The following SMPD3 variants were observed in gnomAD, a reference collection of about 807,000 sequenced individuals.
The protein encoded by SMPD3 is sphingomyelin phosphodiesterase 3, also known as nSMase-2.
A neutral mutation model predicts 55.7 loss-of-function variants in SMPD3; 21 were observed. The ratio of observed to expected loss-of-function variants is 0.38; its 90% CI spans 0.27 to 0.54. The LOEUF is 0.54. Among genes scored for constraint, SMPD3 ranks in the 20% least tolerant of loss-of-function variants. The probability of loss-of-function intolerance (pLI) is 0.80; values close to 1 mark genes in which losing one functional copy is unlikely to be tolerated. For synonymous variants in SMPD3, 457 were observed against 404.3 expected, an observed-to-expected ratio of 1.13 and a Z score of -1.56; for missense variants, 842 against 899.6, an observed-to-expected ratio of 0.94 and a Z score of 0.82.
Position 68,360,366 on chromosome 16 carries a change from C to T in SMPD3, c.*840G>A, listed in dbSNP as rs1028353146. ...CTTCCTGTAAAAAAAAAAGTGGATA[C>T]TCTCTTCTCGGATCCCCGTTTATGG... On this transcript the variant is annotated 3_prime_UTR_variant, in exon 9 of 9. Transcript: ENST00000219334. 1 of 151,290 alleles carries T rather than the reference C, an allele frequency of 6.6e-6. No homozygotes were observed. Among genetic ancestry groups the T allele is most frequent in the Non-Finnish European group, 1.5e-5 (1 of 67,848 alleles). The allele number at this position is 151,290 out of a possible 1,614,324, so 9.4% of individuals were successfully genotyped here. A position where few individuals can be genotyped will look rare whatever the true frequency, so the allele number is the denominator to read the frequency against.
At chr16:68,386,557 C>CCCCCA (rs1469620731) in intron 2 of SMPD3, 41 bp downstream of exon 2, 5 of 148,338 alleles carry the variant, frequency 3.4e-5, no homozygotes, top group Admixed American at 3.3e-4. Context: ...CCCTTCCCCA[C>CCCCCA]CCCCACCCCA....
intron 1 of SMPD3, among the ~76,000 whole-genome samples, chr16:68,419,951 T>C (rs1200565177): frequency 6.6e-6 from 1 of 152,002 alleles, no homozygotes; most frequent in East Asian, 1.9e-4. Flanking sequence ...TAGCTGATTA[T>C]TGGAACATGT....
intron 3 of SMPD3, among the ~76,000 whole-genome samples, chr16:68,370,612 C>T (rs997361932): frequency 1.8e-4 from 10 of 56,854 alleles, no homozygotes; most frequent in African/African-American, 6.6e-4. Context: ...ATCTGAGGAA[C>T]GGGCCCAGAT....
chr16:68,365,280 G>A lies in SMPD3; in HGVS notation c.1324-188C>T, dbSNP rs149669902. On this transcript the variant is annotated intron_variant, in intron 3 of 8. Transcript: ENST00000219334. ...GGACTTACGGATCTGGGCCAGAGGC[G>A]GGTGCTGAAAGAAACTATTGGCCTG... is the stretch of plus-strand genomic sequence containing the variant. 2.6e-4 allele frequency among the ~76,000 whole-genome samples: 39 copies of A among 152,306 alleles called. No homozygotes were observed. In the East Asian group the frequency reaches 6.6e-3, roughly 26 times the overall value.
chr16:68,397,040 C>T lies in SMPD3; in HGVS notation c.-268-10381G>A, dbSNP rs117166150. On this transcript the variant is annotated intron_variant, in intron 1 of 8. Coordinates refer to ENST00000219334, the MANE Select transcript of SMPD3 (RefSeq NM_018667.4). Reference sequence around the variant, plus strand: ...TGGGGAGGGTAGGTATTATTGATCCCGTACTCAGAGATGAAAACTGAGGCT... The same window carrying T: ...TGGGGAGGGTAGGTATTATTGATCCTGTACTCAGAGATGAAAACTGAGGCT... Among the ~76,000 whole-genome samples, 141 of 152,252 alleles carry T rather than the reference C, an allele frequency of 9.3e-4. 3 individuals are homozygous for T. In the East Asian group the frequency reaches 0.025, roughly 27 times the overall value.
intron 1 of SMPD3, among the ~76,000 whole-genome samples, chr16:68,443,240 T>C (rs2090582062): frequency 6.6e-6 from 1 of 152,102 alleles, no homozygotes; most frequent in Admixed American, 6.5e-5. Flanking sequence ...TGCAGCCACA[T>C]ATGGAGGTAG....
chr16:68,387,751 G>A (rs1308595758), intron 1 of SMPD3, among the ~76,000 whole-genome samples: 1 of 152,204 alleles, frequency 6.6e-6, no homozygotes, highest in African/African-American at 2.4e-5. Flanking sequence ...CCTCCATTCA[G>A]AGTAGGGTGA....
At chr16:68,370,455 C>T (rs1342658098) in intron 3 of SMPD3, among the ~76,000 whole-genome samples, 1 of 152,192 alleles carries the variant, frequency 6.6e-6, no homozygotes, top group African/African-American at 2.4e-5. Flanking sequence ...GCCCCTACCT[C>T]CTGTTCTTCC....
chr16:68,441,614 G>A (rs1406540761), intron 1 of SMPD3, among the ~76,000 whole-genome samples: 2 of 151,880 alleles, frequency 1.3e-5, no homozygotes, highest in Non-Finnish European at 2.9e-5. Flanking sequence ...TCAAAAGCTA[G>A]TGTATGTTTT....
chr16:68,363,306 C>T (rs907828633), intron 7 of SMPD3, among the ~76,000 whole-genome samples, 190 bp downstream of exon 7: 1 of 152,124 alleles, frequency 6.6e-6, no homozygotes. Flanking sequence ...GGCGTGAGGG[C>T]GTGAGGTCTA....
At position 68,364,767 on chromosome 16, in the gene SMPD3, A is replaced by T; in HGVS notation, c.1539T>A (p.Phe513Leu). ...CGGCCTCACCAGAGGAGCAGTTATC[A>T]AAGTTGAAATCTCCACAGACGACGT... ...AFDVVCGDFN[F>L]DNCSSDDKLE... Residue 513 changes from phenylalanine to leucine, a missense_variant, in exon 5 of 9, where the codon TTT becomes TTA. Around this residue, in one of 2 missense-constraint regions of SMPD3, gnomAD observed 649 missense variants for 643.6 expected, o/e 1.01. Coordinates refer to ENST00000219334, the MANE Select transcript of SMPD3 (RefSeq NM_018667.4). 1.2e-6 allele frequency: 2 copies of T among 1,613,662 alleles called. No individual in the cohort carries two copies. Among genetic ancestry groups the T allele is most frequent in the Non-Finnish European group, 1.7e-6 (2 of 1,179,860 alleles).
intron 5 of SMPD3, 138 bp from the exon 6 acceptor site, chr16:68,364,004 T>A: frequency 1.4e-6 from 1 of 720,688 alleles, no homozygotes; most frequent in South Asian, 1.9e-5. Context: ...GGGTGGGATC[T>A]CAGTCCCATT....
chr16:68,361,060 A>G lies in SMPD3; in HGVS notation c.*146T>C, dbSNP rs937714730. On this transcript the variant is annotated 3_prime_UTR_variant, in exon 9 of 9. Transcript: ENST00000219334. ...GAGGCCCAGAGGCGCAGAGCAGCGCAGCTTCCAGGTTCCCGGGCACTGACT... is the reference window on the plus strand; with the variant it reads ...GAGGCCCAGAGGCGCAGAGCAGCGCGGCTTCCAGGTTCCCGGGCACTGACT... 1.1e-5 allele frequency: 8 copies of G among 714,136 alleles called. No individual in the cohort carries two copies. The East Asian group carries it at 2.2e-4, about 20-fold the overall frequency. The allele number at this position is 714,136 out of a possible 1,614,324, so 44.2% of individuals were successfully genotyped here.
At chr16:68,427,073 T>C (rs1219250653) in intron 1 of SMPD3, among the ~76,000 whole-genome samples, 1 of 146,518 alleles carries the variant, frequency 6.8e-6, no homozygotes, top group African/African-American at 2.6e-5. Context: ...CTCGGCTCAC[T>C]GCAACCTCCA....
chr16:68,412,685 C>T lies in SMPD3; in HGVS notation c.-268-26026G>A, dbSNP rs181453903. On this transcript the variant is annotated intron_variant, in intron 1 of 8. Coordinates refer to ENST00000219334, the MANE Select transcript of SMPD3 (RefSeq NM_018667.4). Reference sequence around the variant, plus strand: ...GCAAATCTTGAATGTGCGAGATCATCACAGTGAGGAATCAGCCTGGAAAGC... The same window carrying T: ...GCAAATCTTGAATGTGCGAGATCATTACAGTGAGGAATCAGCCTGGAAAGC... Among the ~76,000 whole-genome samples the T allele has an allele frequency of 1.8e-4, 27 of 152,340 alleles. 1 individual carries two copies. The highest frequency in any genetic ancestry group is 2.9e-5 in the Non-Finnish European group (2 of 68,038).
In SMPD3 at chr16:68,370,982, G is replaced by C; in HGVS notation, c.1200C>G (p.Phe400Leu). ...GVYGCQGCCSFKCLNSGLLFA... is the reference protein window; with the variant it reads ...GVYGCQGCCSLKCLNSGLLFA... ...AGAGGAGGCCGCTGTTGAGACACTT[G>C]AAGCTGCAGCAGCCCTGGCAGCCGT... The change falls in exon 3 of 9, where the codon TTC becomes TTG. Residue 400 changes from phenylalanine (F) to leucine (L), a missense_variant. Phe to Leu is a conservative substitution (Grantham distance 22). Coordinates refer to ENST00000219334, the MANE Select transcript of SMPD3 (RefSeq NM_018667.4). 6.2e-7 allele frequency: 1 copy of C among 1,614,044 alleles called. No homozygotes were observed. The highest frequency in any genetic ancestry group is 1.1e-5 in the South Asian group (1 of 91,082).
At chr16:68,372,584 G>T (rs1412599374) in intron 2 of SMPD3, among the ~76,000 whole-genome samples, 197 bp from the exon 3 acceptor site, 3 of 152,240 alleles carry the variant, frequency 2.0e-5, no homozygotes, top group Admixed American at 2.0e-4. Context: ...CATGTATGCT[G>T]TTCTCTTGGA....
chr16:68,400,834 G>A (rs527870707), intron 1 of SMPD3, among the ~76,000 whole-genome samples: 2 of 152,240 alleles, frequency 1.3e-5, no homozygotes, highest in African/African-American at 2.4e-5. Context: ...TGTGGCTGAC[G>A]ACTGTAACTG....
intron 2 of SMPD3, among the ~76,000 whole-genome samples, chr16:68,381,648 C>T (rs2089954187): frequency 6.6e-6 from 1 of 152,188 alleles, no homozygotes; most frequent in South Asian, 2.1e-4. Flanking sequence ...CTCCCTCTGC[C>T]ACATTGACCT....
Sources: allele counts gnomAD v4.1 joint callset (sites outside exome capture counted in the v4.1 genomes callset), GRCh38; gene constraint gnomAD v4.1.1; regional missense constraint gnomAD v4.1.1; transcripts MANE v1.5; gene names NCBI Gene and HGNC (gene_info 2026-07-23, HGNC 2026-07-21).